GRIK1: variants seen among roughly 807,000 people sequenced by gnomAD.
The protein encoded by GRIK1 is glutamate ionotropic receptor kainate type subunit 1, also known as glutamate receptor ionotropic, kainate 1.
Under a neutral mutation model 105.7 loss-of-function variants are expected in GRIK1, and 69 were observed. The observed-to-expected ratio is 0.65, with a 90% CI of 0.54 to 0.80. The LOEUF is 0.80. Ranked by LOEUF, GRIK1 falls within the 30% of genes least tolerant of loss-of-function variation. GRIK1 has a pLI of 0.00. For missense variants in GRIK1, 1,109 were observed against 1,167.3 expected (o/e 0.95, Z 0.73); for synonymous variants, 438 against 431.3 (o/e 1.02, Z -0.19).
At chr21:29,736,682 C>CT (rs748838440) in intron 1 of GRIK1, among the ~76,000 whole-genome samples, 363 of 141,690 alleles carry the variant, frequency 2.6e-3, no homozygotes, top group Middle Eastern at 3.6e-3. Flanking sequence ...CTTTCCTTTT[C>CT]TTTTTTTTTT....
chr21:29,916,309 C>A (rs1238920118), intron 1 of GRIK1, among the ~76,000 whole-genome samples: 2 of 151,786 alleles, frequency 1.3e-5, no homozygotes, highest in Non-Finnish European at 1.5e-5. Flanking sequence ...ACAGAATAGA[C>A]ACTAAATAAA....
chr21:29,623,062 C>T (rs1486953942), intron 7 of GRIK1, among the ~76,000 whole-genome samples: 1 of 152,100 alleles, frequency 6.6e-6, no homozygotes, highest in African/African-American at 2.4e-5. Context: ...TCTCATCCTG[C>T]TAATAAAAAC....
chr21:29,808,886 A>C (rs2066934683), intron 1 of GRIK1, among the ~76,000 whole-genome samples: 1 of 152,162 alleles, frequency 6.6e-6, no homozygotes, highest in Non-Finnish European at 1.5e-5. Context: ...AAGAAAATCA[A>C]GGCTTTTCCA....
At chr21:29,683,237 C>A (rs1002134546) in intron 3 of GRIK1, among the ~76,000 whole-genome samples, 5 of 152,130 alleles carry the variant, frequency 3.3e-5, no homozygotes, top group African/African-American at 1.2e-4. Context: ...CTCAAAGAAC[C>A]TAAAACAGGA....
At chr21:29,735,036 T>G (rs77367789) in intron 1 of GRIK1, among the ~76,000 whole-genome samples, 3,952 of 152,304 alleles carry the variant, frequency 0.026, 136 homozygotes, top group East Asian at 0.1. Flanking sequence ...AACTCTAGAC[T>G]GCCTGTTTTC....
intron 1 of GRIK1, among the ~76,000 whole-genome samples, chr21:29,815,224 C>T (rs1264830681): frequency 6.6e-6 from 1 of 152,156 alleles, no homozygotes; most frequent in African/African-American, 2.4e-5. Context: ...AGTGCAGTGT[C>T]TGAGACTCAT....
intron 7 of GRIK1, among the ~76,000 whole-genome samples, chr21:29,602,404 C>A (rs921741793): frequency 4.6e-5 from 7 of 152,134 alleles, no homozygotes; most frequent in African/African-American, 1.7e-4. Context: ...TATTGAATAT[C>A]TTCTCTGTGC....
intron 6 of GRIK1, among the ~76,000 whole-genome samples, chr21:29,647,042 C>T (rs2062635661): frequency 1.3e-5 from 2 of 152,148 alleles, no homozygotes; most frequent in Non-Finnish European, 2.9e-5. Flanking sequence ...GACAAAGTTT[C>T]ACCATGTTGG....
chr21:29,891,945 A>G (rs1308767991), intron 1 of GRIK1, among the ~76,000 whole-genome samples: 1 of 152,260 alleles, frequency 6.6e-6, no homozygotes, highest in African/African-American at 2.4e-5. Context: ...AGCAGTGTCT[A>G]CATATCGTAG....
At chr21:29,811,700 C>CA (rs1211533274) in intron 1 of GRIK1, among the ~76,000 whole-genome samples, 1 of 152,130 alleles carries the variant, frequency 6.6e-6, no homozygotes, top group Non-Finnish European at 1.5e-5. Flanking sequence ...CATCCTCACT[C>CA]AAAATCCTCC....
intron 15 of GRIK1, among the ~76,000 whole-genome samples, chr21:29,559,469 G>A (rs1178424656): frequency 1.3e-5 from 2 of 152,108 alleles, no homozygotes; most frequent in African/African-American, 2.4e-5. Flanking sequence ...CTTCACTAGC[G>A]ATATTAGTAT....
intron 14 of GRIK1, among the ~76,000 whole-genome samples, chr21:29,568,129 C>T (rs2090654076): frequency 6.6e-6 from 1 of 152,140 alleles, no homozygotes; most frequent in Admixed American, 6.5e-5. Context: ...GGCAATCTTC[C>T]AGCCTTTGAA....
chr21:29,879,902 C>T (rs540564371), intron 1 of GRIK1, among the ~76,000 whole-genome samples: 60 of 152,052 alleles, frequency 3.9e-4, no homozygotes, highest in African/African-American at 1.4e-3. Context: ...ATGAAGAAAA[C>T]CTCAAGCCAA....
At chr21:29,861,227 GTCTT>G (rs2068625873) in intron 1 of GRIK1, among the ~76,000 whole-genome samples, 1 of 152,024 alleles carries the variant, frequency 6.6e-6, no homozygotes, top group Non-Finnish European at 1.5e-5. Context: ...GAGAAAGAAT[GTCTT>G]TCTTCGTTCC....
At chr21:29,844,276 T>C (rs2068056967) in intron 1 of GRIK1, among the ~76,000 whole-genome samples, 1 of 152,194 alleles carries the variant, frequency 6.6e-6, no homozygotes, top group Non-Finnish European at 1.5e-5. Flanking sequence ...CTGCAGTTCT[T>C]AGACTGTTCA....
chr21:29,627,580 T>C (rs527757689), intron 7 of GRIK1, among the ~76,000 whole-genome samples: 15 of 152,294 alleles, frequency 9.8e-5, no homozygotes, highest in African/African-American at 3.4e-4. Context: ...TGATTTCACC[T>C]CTTTGGTGGT....
intron 13 of GRIK1, among the ~76,000 whole-genome samples, chr21:29,581,112 A>G (rs2091014907): frequency 6.6e-6 from 1 of 152,160 alleles, no homozygotes. Context: ...TATGGCTGAG[A>G]AGGAGAAGAC....
intron 3 of GRIK1, among the ~76,000 whole-genome samples, chr21:29,675,180 A>C (rs961034052): frequency 6.6e-6 from 1 of 152,210 alleles, no homozygotes; most frequent in Admixed American, 6.5e-5. Flanking sequence ...CTGGATTAAA[A>C]TTGCTGTTTG....
chr21:29,676,731 A>G (rs2063275084), intron 3 of GRIK1, among the ~76,000 whole-genome samples: 1 of 152,126 alleles, frequency 6.6e-6, no homozygotes, highest in Admixed American at 6.5e-5. Context: ...GCAAGAGAGA[A>G]CCAGACAAAC....
Sources: gnomAD v4.1 joint callset for allele counts (sites outside exome capture counted in the v4.1 genomes callset) on GRCh38, gnomAD v4.1.1 for gene constraint, MANE v1.5 for transcripts, NCBI Gene and HGNC (gene_info 2026-07-23, HGNC 2026-07-21) for gene names.